The following UNC5C variants were observed in gnomAD, a reference collection of about 807,000 sequenced individuals.
The protein encoded by UNC5C is netrin receptor UNC5C.
In UNC5C, 47 loss-of-function variants were observed where a neutral mutation model predicts 99.8. The ratio of observed to expected loss-of-function variants is 0.47; its 90% CI spans 0.37 to 0.60. The LOEUF (loss-of-function observed/expected upper bound fraction) is 0.60. Ranked by LOEUF, UNC5C falls within the 20% of genes least tolerant of loss-of-function variation. The pLI is 0.00. For missense variants in UNC5C, 1,062 were observed against 1,165.9 expected (o/e 0.91, Z 1.30); for synonymous variants, 487 against 452.2 (o/e 1.08, Z -0.98).
At chr4:95,545,768 G>GTGCACA (rs1193458911) in intron 1 of UNC5C, among the ~76,000 whole-genome samples, 2 of 128,156 alleles carry the variant, frequency 1.6e-5, no homozygotes, top group African/African-American at 7.7e-5. Context: ...ACACGCGCGC[G>GTGCACA]CGCGCACACA....
chr4:95,427,778 A>T (rs2149459068), intron 1 of UNC5C, among the ~76,000 whole-genome samples: 1 of 152,276 alleles, frequency 6.6e-6, no homozygotes, highest in Admixed American at 6.5e-5. Context: ...GTGGTCTGGA[A>T]CCAAACCCAC....
chr4:95,462,851 G>T (rs1355393377), intron 1 of UNC5C, among the ~76,000 whole-genome samples: 1 of 152,122 alleles, frequency 6.6e-6, no homozygotes, highest in Non-Finnish European at 1.5e-5. Context: ...AAGGTAGACA[G>T]GCAGATCACA....
intron 1 of UNC5C, among the ~76,000 whole-genome samples, chr4:95,538,834 TCCTG>T (rs2149495270): frequency 6.6e-6 from 1 of 152,286 alleles, no homozygotes; most frequent in East Asian, 1.9e-4. Flanking sequence ...TATCACTATA[TCCTG>T]AATAAAATTA....
chr4:95,407,115 A>G (rs193033157), intron 1 of UNC5C, among the ~76,000 whole-genome samples: 1 of 152,332 alleles, frequency 6.6e-6, no homozygotes, highest in East Asian at 1.9e-4. Context: ...AGTAGACAAT[A>G]GCAGATTAAG....
intron 7 of UNC5C, among the ~76,000 whole-genome samples, chr4:95,221,467 A>G (rs1262807069): frequency 6.6e-6 from 1 of 152,190 alleles, no homozygotes; most frequent in Non-Finnish European, 1.5e-5. Flanking sequence ...TTCATTTGCC[A>G]GTGGCTCATG....
At chr4:95,331,907 G>A (rs1743127224) in intron 2 of UNC5C, among the ~76,000 whole-genome samples, 3 of 152,060 alleles carry the variant, frequency 2.0e-5, no homozygotes, top group African/African-American at 7.2e-5. Context: ...AAAATCACAG[G>A]CATTCTTATA....
chr4:95,351,130 C>A (rs917814223), intron 1 of UNC5C, among the ~76,000 whole-genome samples: 1 of 152,082 alleles, frequency 6.6e-6, no homozygotes, highest in Non-Finnish European at 1.5e-5. Flanking sequence ...AGTTTAAATG[C>A]CCCTTCACCT....
chr4:95,411,131 C>T (rs1167118743), intron 1 of UNC5C, among the ~76,000 whole-genome samples: 1 of 152,076 alleles, frequency 6.6e-6, no homozygotes, highest in Admixed American at 6.6e-5. Flanking sequence ...ATGCCACAGC[C>T]CCTCGGGACA....
intron 4 of UNC5C, among the ~76,000 whole-genome samples, chr4:95,267,452 A>AT (rs1403264327): frequency 6.6e-6 from 1 of 152,256 alleles, no homozygotes; most frequent in Non-Finnish European, 1.5e-5. Context: ...GAGGGAGAAT[A>AT]TATTTGTAAT....
intron 1 of UNC5C, among the ~76,000 whole-genome samples, chr4:95,412,426 G>A (rs1050248067): frequency 6.6e-6 from 1 of 152,054 alleles, no homozygotes; most frequent in Non-Finnish European, 1.5e-5. Context: ...CTCATGTTAG[G>A]TCCCCTCCAA....
chr4:95,312,033 T>C (rs952831886), intron 2 of UNC5C, among the ~76,000 whole-genome samples: 1 of 150,134 alleles, frequency 6.7e-6, no homozygotes, highest in Non-Finnish European at 1.5e-5. Flanking sequence ...GGTGACAGAG[T>C]GAAATCCAAT....
chr4:95,407,389 G>A (rs1745860402), intron 1 of UNC5C, among the ~76,000 whole-genome samples: 1 of 152,036 alleles, frequency 6.6e-6, no homozygotes, highest in African/African-American at 2.4e-5. Context: ...AGGGTGTACA[G>A]TAAAAGTGAG....
intron 7 of UNC5C, among the ~76,000 whole-genome samples, chr4:95,239,540 C>A (rs1739252539): frequency 1.3e-5 from 2 of 152,244 alleles, no homozygotes; most frequent in South Asian, 4.1e-4. Flanking sequence ...TGTCCATATC[C>A]AGCTCCCCGC....
intron 1 of UNC5C, among the ~76,000 whole-genome samples, chr4:95,468,317 T>A (rs771348665): frequency 1.3e-5 from 2 of 152,074 alleles, no homozygotes; most frequent in Non-Finnish European, 2.9e-5. Context: ...TACTGCTTCT[T>A]CTCTGTCTTT....
intron 1 of UNC5C, among the ~76,000 whole-genome samples, chr4:95,467,127 T>A (rs1184260633): frequency 2.0e-5 from 3 of 152,170 alleles, no homozygotes; most frequent in Non-Finnish European, 4.4e-5. Context: ...TTCAGATGGC[T>A]CTGGCCCCTG....
At chr4:95,217,768 A>T (rs1738302455) in intron 9 of UNC5C, among the ~76,000 whole-genome samples, 1 of 152,188 alleles carries the variant, frequency 6.6e-6, no homozygotes, top group Admixed American at 6.5e-5. Flanking sequence ...TGTAATGTTT[A>T]AACAATGGAA....
chr4:95,334,253 C>T (rs1743241035), intron 2 of UNC5C, among the ~76,000 whole-genome samples: 1 of 151,848 alleles, frequency 6.6e-6, no homozygotes, highest in Admixed American at 6.6e-5. Flanking sequence ...GAAAGTAGAG[C>T]CCTCAAGTGC....
chr4:95,239,938 A>T (rs553431178), intron 7 of UNC5C, among the ~76,000 whole-genome samples: 2 of 152,244 alleles, frequency 1.3e-5, no homozygotes, highest in Admixed American at 6.5e-5. Flanking sequence ...TCCATTATGA[A>T]CTCTGAATTT....
Position 95,429,280 on chromosome 4 carries a change from T to TAAA in UNC5C, c.125-93652_125-93650dup, listed in dbSNP as rs112203195. 1.4e-3 allele frequency among the ~76,000 whole-genome samples: 134 copies of TAAA among 94,896 alleles called. 1 individual carries two copies. The highest frequency in any genetic ancestry group is 3.5e-3 in the African/African-American group (116 of 33,360). 62.3% of individuals were successfully genotyped at this position (94,896 alleles called of 152,430 possible). On this transcript the variant is annotated intron_variant, in intron 1 of 15. Coordinates refer to ENST00000453304, the MANE Select transcript of UNC5C (RefSeq NM_003728.4). ...CCTTTAAATAATACTTAGTGATTCT[T>TAAA]AAAAAAAAAAAAAAAAACAAACAAA...
Sources: gnomAD v4.1 joint callset for allele counts (sites outside exome capture counted in the v4.1 genomes callset) on GRCh38, gnomAD v4.1.1 for gene constraint, MANE v1.5 for transcripts, NCBI Gene and HGNC (gene_info 2026-07-23, HGNC 2026-07-21) for gene names.